The following XKR9 variants were observed in gnomAD, a reference collection of about 807,000 sequenced individuals.
XKR9 encodes XK related 9.
XKR9 carries 32 observed loss-of-function variants against 32.0 expected under a neutral mutation model. That is an observed-to-expected ratio of 1.00 (90% confidence interval 0.76 to 1.34). The LOEUF (loss-of-function observed/expected upper bound fraction) is 1.34, where lower values mean the gene tolerates loss of function less well. Among genes scored for constraint, XKR9 ranks in the 40% most tolerant of loss-of-function variants. The probability of loss-of-function intolerance (pLI) is 0.00; values close to 1 mark genes in which losing one functional copy is unlikely to be tolerated. For missense variants in XKR9, 546 were observed against 429.7 expected (o/e 1.27, Z -2.39); for synonymous variants, 168 against 143.4 (o/e 1.17, Z -1.22).
chr8:70,689,576 A>G (rs1426662388), intron 3 of XKR9, among the ~76,000 whole-genome samples: 1 of 151,312 alleles, frequency 6.6e-6, no homozygotes, highest in African/African-American at 2.4e-5. Context: ...AAAGTGACAT[A>G]TGCACACAAT....
At chr8:70,937,341 C>T in the XKR9 span, among the ~76,000 whole-genome samples, 2 of 151,974 alleles carry the variant, frequency 1.3e-5, no homozygotes, top group African/African-American at 4.8e-5. Context: ...CATGATTTAA[C>T]ACATGATTTA....
intron 2 of XKR9, among the ~76,000 whole-genome samples, chr8:70,754,571 A>G (rs1043489684): frequency 3.3e-5 from 5 of 150,852 alleles, no homozygotes; most frequent in African/African-American, 1.2e-4. Flanking sequence ...ACAGATATAG[A>G]TCAGTGGAAC....
chr8:70,901,713 T>G, the XKR9 span, among the ~76,000 whole-genome samples: 1 of 152,220 alleles, frequency 6.6e-6, no homozygotes, highest in Non-Finnish European at 1.5e-5. Context: ...GCTTTTGGTG[T>G]TTTAGTCATG....
the XKR9 span, among the ~76,000 whole-genome samples, chr8:70,893,808 G>C: frequency 6.6e-6 from 1 of 152,120 alleles, no homozygotes; most frequent in Admixed American, 6.6e-5. Context: ...CCTACAAGCA[G>C]CAATAACAGT....
chr8:70,988,639 C>T, the XKR9 span, among the ~76,000 whole-genome samples: 1 of 152,132 alleles, frequency 6.6e-6, no homozygotes, highest in Non-Finnish European at 1.5e-5. Flanking sequence ...GTTCTTCATC[C>T]AATTTCTGTG....
chr8:70,701,175 C>A (rs1297009603), intron 3 of XKR9, among the ~76,000 whole-genome samples: 1 of 152,202 alleles, frequency 6.6e-6, no homozygotes, highest in Non-Finnish European at 1.5e-5. Context: ...TCGGCTCGTG[C>A]ACAGTGTGCT....
the XKR9 span, among the ~76,000 whole-genome samples, chr8:71,041,461 A>G: frequency 6.6e-6 from 1 of 152,222 alleles, no homozygotes; most frequent in African/African-American, 2.4e-5. Context: ...AGAATATCAT[A>G]AGCATATTCA....
chr8:70,881,191 T>C, the XKR9 span, among the ~76,000 whole-genome samples: 4 of 152,164 alleles, frequency 2.6e-5, no homozygotes, highest in Non-Finnish European at 4.4e-5. Flanking sequence ...GGCAATACCA[T>C]TCAGTACATA....
the XKR9 span, among the ~76,000 whole-genome samples, chr8:70,804,943 C>T: frequency 1.3e-5 from 2 of 152,188 alleles, no homozygotes; most frequent in Non-Finnish European, 2.9e-5. Flanking sequence ...TTCATAATTG[C>T]TTCACCTTCT....
the XKR9 span, among the ~76,000 whole-genome samples, chr8:70,982,082 G>A: frequency 6.6e-6 from 1 of 152,234 alleles, no homozygotes; most frequent in Non-Finnish European, 1.5e-5. Flanking sequence ...GTCCTTGGTT[G>A]TGCTTTTGTT....
chr8:70,884,384 C>T, the XKR9 span, among the ~76,000 whole-genome samples: 1 of 151,928 alleles, frequency 6.6e-6, no homozygotes, highest in Non-Finnish European at 1.5e-5. Flanking sequence ...TAATGAAGTC[C>T]AATTTATTAA....
intron 4 of XKR9, among the ~76,000 whole-genome samples, chr8:70,707,812 A>C (rs910861328): frequency 6.6e-6 from 1 of 152,056 alleles, no homozygotes; most frequent in African/African-American, 2.4e-5. Flanking sequence ...TGTTAAGGTA[A>C]AAATGTTCAT....
the XKR9 span, among the ~76,000 whole-genome samples, chr8:70,818,928 G>T: frequency 2.6e-5 from 4 of 152,302 alleles, no homozygotes; most frequent in East Asian, 5.8e-4. Flanking sequence ...TCTTTCTAAA[G>T]CTGATGAAGA....
At chr8:71,031,794 C>T in the XKR9 span, among the ~76,000 whole-genome samples, 1 of 152,082 alleles carries the variant, frequency 6.6e-6, no homozygotes, top group African/African-American at 2.4e-5. Flanking sequence ...AATTATACAA[C>T]CAATTTACAT....
intron 1 of XKR9, 43 bp from the exon 2 acceptor site, chr8:70,674,775 G>T (rs1424023354): frequency 2.6e-5 from 4 of 152,064 alleles, no homozygotes; most frequent in African/African-American, 9.7e-5. Context: ...TTTAGTATTC[G>T]ATCTTAAAGG....
chr8:70,860,192 T>C, the XKR9 span, among the ~76,000 whole-genome samples: 1 of 152,168 alleles, frequency 6.6e-6, no homozygotes, highest in Non-Finnish European at 1.5e-5. Context: ...ATTCATGTGT[T>C]GAAACCCTAA....
chr8:70,716,741 C>G (rs957795262), intron 4 of XKR9, among the ~76,000 whole-genome samples: 13 of 152,140 alleles, frequency 8.5e-5, no homozygotes, highest in African/African-American at 2.9e-4. Flanking sequence ...CATGTCCTCA[C>G]ATTTCAAAAC....
intron 4 of XKR9, among the ~76,000 whole-genome samples, chr8:70,712,468 C>G (rs1805950901): frequency 6.6e-6 from 1 of 152,026 alleles, no homozygotes; most frequent in Admixed American, 6.6e-5. Context: ...GAAGACAAAA[C>G]TCAGGGTCCT....
intron 2 of XKR9, among the ~76,000 whole-genome samples, chr8:70,764,016 T>C (rs542465353): frequency 2.6e-5 from 4 of 152,340 alleles, no homozygotes; most frequent in African/African-American, 9.6e-5. Flanking sequence ...TGCGTCTGTC[T>C]CAAGTTTTTA....
Sources: gnomAD v4.1 joint callset for allele counts (sites outside exome capture counted in the v4.1 genomes callset) on GRCh38, gnomAD v4.1.1 for gene constraint, MANE v1.5 for transcripts, NCBI Gene and HGNC (gene_info 2026-07-23, HGNC 2026-07-21) for gene names.